ANKFN1: variants seen among roughly 807,000 people sequenced by gnomAD.
ANKFN1 encodes the protein ankyrin repeat and fibronectin type III domain containing 1.
Under a neutral mutation model 108.7 loss-of-function variants are expected in ANKFN1, and 74 were observed. The ratio of observed to expected loss-of-function variants is 0.68; its 90% CI spans 0.56 to 0.83. ANKFN1 has a LOEUF of 0.83. Ranked by LOEUF, ANKFN1 falls within the 40% of genes least tolerant of loss-of-function variation. ANKFN1 has a pLI of 0.00. For missense variants in ANKFN1, 1,505 were observed against 1,382.3 expected (o/e 1.09, Z -1.41); for synonymous variants, 547 against 516.2 (o/e 1.06, Z -0.81).
chr17:56,246,285 C>T (rs1483669903), intron 3 of ANKFN1, among the ~76,000 whole-genome samples: 3 of 152,100 alleles, frequency 2.0e-5, no homozygotes, highest in Non-Finnish European at 2.9e-5. Context: ...TCATGGGCAG[C>T]GGCTTAGTGA....
chr17:56,065,997 G>A (rs752613), intron 4 of ANKFN1, among the ~76,000 whole-genome samples: 89,702 of 151,660 alleles, frequency 0.59, 28,096 homozygotes, highest in Middle Eastern at 0.73. Flanking sequence ...AATTAGGTAT[G>A]CCTATGCCTA....
intron 3 of ANKFN1, among the ~76,000 whole-genome samples, chr17:56,262,195 A>G (rs2043529237): frequency 6.6e-6 from 1 of 152,166 alleles, no homozygotes; most frequent in South Asian, 2.1e-4. Context: ...TGAAGGCTCT[A>G]CGACCCTCTC....
chr17:56,161,622 C>G (rs951496977), intron 1 of ANKFN1, among the ~76,000 whole-genome samples: 1 of 152,156 alleles, frequency 6.6e-6, no homozygotes, highest in Non-Finnish European at 1.5e-5. Flanking sequence ...ATGAAATCAG[C>G]TAACATAATG....
At chr17:56,431,310 A>G (rs1435981593) in intron 8 of ANKFN1, among the ~76,000 whole-genome samples, 1 of 152,214 alleles carries the variant, frequency 6.6e-6, no homozygotes, top group Non-Finnish European at 1.5e-5. Flanking sequence ...ATAAATGTTA[A>G]AATTATTTAT....
chr17:56,092,049 A>T (rs928048044), intron 4 of ANKFN1, among the ~76,000 whole-genome samples: 3 of 151,386 alleles, frequency 2.0e-5, no homozygotes, highest in African/African-American at 7.3e-5. Flanking sequence ...AAAGAAGACA[A>T]AAGAAAAATT....
intron 1 of ANKFN1, among the ~76,000 whole-genome samples, chr17:56,208,355 C>T (rs1222345269): frequency 3.3e-5 from 5 of 152,146 alleles, no homozygotes; most frequent in African/African-American, 4.8e-5. Flanking sequence ...GCACTACTGA[C>T]GTTTTGGACT....
intron 4 of ANKFN1, among the ~76,000 whole-genome samples, chr17:56,075,321 G>C (rs528807932): frequency 6.6e-6 from 1 of 152,286 alleles, no homozygotes; most frequent in Non-Finnish European, 1.5e-5. Context: ...TGTGTAGTTA[G>C]AATGTAACAA....
At chr17:56,368,118 A>G in intron 6 of ANKFN1, 1 of 1,210,498 alleles carries the variant, frequency 8.3e-7, no homozygotes, top group South Asian at 1.7e-5. Context: ...TGTTAGTGAC[A>G]ATGAGCCTGA....
At chr17:56,048,792 A>G (rs920458657) in intron 4 of ANKFN1, among the ~76,000 whole-genome samples, 2 of 152,228 alleles carry the variant, frequency 1.3e-5, no homozygotes, top group Non-Finnish European at 2.9e-5. Context: ...CCTAGAGCTC[A>G]ATCCTGGCAG....
rs77264420 is a variant in ANKFN1 at position 56,219,757 on chromosome 17, G to A, written c.12+7078G>A. 3.5e-3 allele frequency among the ~76,000 whole-genome samples: 529 copies of A among 152,200 alleles called. 3 individuals are homozygous for A. Among genetic ancestry groups the A allele is most frequent in the African/African-American group, 9.4e-3 (390 of 41,516 alleles). On this transcript the variant is annotated intron_variant, in intron 2 of 20. Transcript: ENST00000682825. The stretch of plus-strand genomic sequence containing the variant: ...AGTCAGTTTTGAATTTGTTGCTGTT[G>A]TTTTGTGTTTTGTTTTTTAAGAAGA...
chr17:56,361,782 C>T (rs2046525844), intron 6 of ANKFN1, among the ~76,000 whole-genome samples: 5 of 152,082 alleles, frequency 3.3e-5, no homozygotes, highest in Admixed American at 6.5e-5. Flanking sequence ...CGAGCTTACT[C>T]ATAGTGGCTA....
intron 6 of ANKFN1, among the ~76,000 whole-genome samples, chr17:56,366,107 A>T (rs1228095145): frequency 1.3e-5 from 2 of 152,210 alleles, no homozygotes; most frequent in Non-Finnish European, 2.9e-5. Context: ...GACCCTAGGC[A>T]TAGGCGTAGG....
intron 4 of ANKFN1, among the ~76,000 whole-genome samples, chr17:56,054,578 A>C (rs543142776): frequency 2.0e-3 from 301 of 152,328 alleles, no homozygotes; most frequent in African/African-American, 7.0e-3. Context: ...CAATAGCATT[A>C]TGTCTAAAAA....
chr17:56,392,705 T>C (rs187516981), intron 8 of ANKFN1, among the ~76,000 whole-genome samples: 1 of 152,296 alleles, frequency 6.6e-6, no homozygotes, highest in African/African-American at 2.4e-5. Flanking sequence ...ACTGTTGAGA[T>C]GATTTACAGT....
At chr17:56,062,219 T>A (rs1266776312) in intron 4 of ANKFN1, among the ~76,000 whole-genome samples, 2 of 152,068 alleles carry the variant, frequency 1.3e-5, no homozygotes, top group Admixed American at 1.3e-4. Flanking sequence ...TGATTTGGAG[T>A]GGAGAGTTCC....
Position 56,515,075 on chromosome 17 carries a change from A to C in ANKFN1, c.*3806A>C, listed in dbSNP as rs2051880881. ...TCTTGGAGAACTCACTTAACAGCTT[A>C]AGTGAGTTCTCCAAGAGAAGGTATG... On this transcript the variant is annotated 3_prime_UTR_variant, in exon 21 of 21. Transcript: ENST00000682825. Among the ~76,000 whole-genome samples, 1 of 151,890 alleles carries C rather than the reference A, an allele frequency of 6.6e-6. No homozygotes were observed. The highest frequency in any genetic ancestry group is 1.5e-5 in the Non-Finnish European group (1 of 67,956).
At chr17:56,319,387 G>T (rs1181989348) in intron 3 of ANKFN1, among the ~76,000 whole-genome samples, 1 of 152,184 alleles carries the variant, frequency 6.6e-6, no homozygotes, top group Non-Finnish European at 1.5e-5. Context: ...AATTGTTTGA[G>T]AATTCTGCAC....
At chr17:56,326,474 C>T in intron 4 of ANKFN1, 119 bp downstream of exon 4, 1 of 1,281,278 alleles carries the variant, frequency 7.8e-7, no homozygotes, top group Non-Finnish European at 1.0e-6. Flanking sequence ...TCTGCATCTT[C>T]CAAAGTTAGC....
intron 8 of ANKFN1, among the ~76,000 whole-genome samples, chr17:56,405,550 C>A (rs1170591337): frequency 9.9e-5 from 15 of 152,064 alleles, no homozygotes; most frequent in Admixed American, 9.8e-4. Context: ...TATCCTACAA[C>A]TACACCTAGA....
Sources: allele counts gnomAD v4.1 joint callset (sites outside exome capture counted in the v4.1 genomes callset), GRCh38; gene constraint gnomAD v4.1.1; transcripts MANE v1.5; gene names NCBI Gene and HGNC (gene_info 2026-07-23, HGNC 2026-07-21).